The following RFTN1 variants were observed in gnomAD, a reference collection of about 807,000 sequenced individuals.
RFTN1 encodes the protein raftlin, lipid raft linker 1.
RFTN1 carries 26 observed loss-of-function variants against 46.5 expected under a neutral mutation model. The observed-to-expected ratio is 0.56, with a 90% CI of 0.41 to 0.78. The LOEUF (loss-of-function observed/expected upper bound fraction) is 0.78. Ranked by LOEUF, RFTN1 falls within the 30% of genes least tolerant of loss-of-function variation. RFTN1 has a pLI of 0.00. For synonymous variants in RFTN1, 261 were observed against 284.2 expected, an observed-to-expected ratio of 0.92 and a Z score of 0.82; for missense variants, 693 against 718.7, an observed-to-expected ratio of 0.96 and a Z score of 0.41.
chr3:16,371,571 G>A (rs911152567), intron 5 of RFTN1, among the ~76,000 whole-genome samples: 5 of 152,130 alleles, frequency 3.3e-5, no homozygotes, highest in Admixed American at 6.5e-5. Flanking sequence ...TCACAGCCCC[G>A]CCTGAGCGAA....
rs188941699 is a variant in RFTN1 at position 16,420,044 on chromosome 3, T to C, written c.333-10561A>G. ...CCTGCTATTTATTCTAGAGAAATCA[T>C]CCTGTCTTGCTGCTTACTGTCAGGG... On this transcript the variant is annotated intron_variant, in intron 3 of 9. Coordinates refer to ENST00000334133, the MANE Select transcript of RFTN1 (RefSeq NM_015150.2). 1.0e-3 allele frequency among the ~76,000 whole-genome samples: 158 copies of C among 152,330 alleles called. 2 individuals are homozygous for C. Among genetic ancestry groups the C allele is most frequent in the Admixed American group, 9.6e-3 (147 of 15,298 alleles).
chr3:16,488,224 C>T lies in RFTN1; in HGVS notation c.145+5501G>A, dbSNP rs531268091. Among the ~76,000 whole-genome samples, 7 of 152,112 alleles carry T rather than the reference C, an allele frequency of 4.6e-5. No homozygotes were observed. In the East Asian group the frequency reaches 1.2e-3, roughly 25 times the overall value. On this transcript the variant is annotated intron_variant, in intron 2 of 9. Transcript: ENST00000334133. ...TTCAAGCAATTCTGCCTCAGCGTCCCGAGTAGCTGGGATTATAGGCATGTG... is the reference window on the plus strand; with the variant it reads ...TTCAAGCAATTCTGCCTCAGCGTCCTGAGTAGCTGGGATTATAGGCATGTG...
Position 16,479,896 on chromosome 3 carries a change from T to C in RFTN1, c.145+13829A>G, listed in dbSNP as rs2076337331. On this transcript the variant is annotated intron_variant, in intron 2 of 9. Coordinates refer to ENST00000334133, the MANE Select transcript of RFTN1 (RefSeq NM_015150.2). This position sits in a 1 kb window ranked among gnomAD's most constrained non-coding sequence, Gnocchi z 5.1. ...GCAAATAATGGTAAATCATGGCAGA[T>C]GCTTCTCCAAGATAACACACAGACT... Among the ~76,000 whole-genome samples the C allele has an allele frequency of 6.6e-6, 1 of 152,208 alleles. No homozygotes were observed. The highest frequency in any genetic ancestry group is 1.5e-5 in the Non-Finnish European group (1 of 68,050).
At position 16,353,594 on chromosome 3, in the gene RFTN1, C is replaced by T. The variant is rs908419669; in HGVS notation, c.1146+4338G>A. On this transcript the variant is annotated intron_variant, in intron 7 of 9. Coordinates refer to ENST00000334133, the MANE Select transcript of RFTN1 (RefSeq NM_015150.2). The surrounding 1 kb of genome is among the most constrained non-coding windows in gnomAD (Gnocchi z 5.4). ...AAAGACTAAATGTTTTCTATCCTCCCACAATGCGTATGTTGAGGCTCCAAG... is the reference window on the plus strand; with the variant it reads ...AAAGACTAAATGTTTTCTATCCTCCTACAATGCGTATGTTGAGGCTCCAAG... Among the ~76,000 whole-genome samples the T allele has an allele frequency of 2.0e-5, 3 of 152,202 alleles. No individual in the cohort carries two copies. The highest frequency in any genetic ancestry group is 4.4e-5 in the Non-Finnish European group (3 of 68,036).
At chr3:16,365,879 A>C (rs796421487) in intron 6 of RFTN1, among the ~76,000 whole-genome samples, 1 of 118,438 alleles carries the variant, frequency 8.4e-6, no homozygotes, top group African/African-American at 3.2e-5. Flanking sequence ...TCAGGGAAAG[A>C]AAAAAGGGCT....
chr3:16,467,445 C>T (rs1186534942), intron 2 of RFTN1, among the ~76,000 whole-genome samples: 2 of 152,190 alleles, frequency 1.3e-5, no homozygotes, highest in Non-Finnish European at 2.9e-5. Context: ...CAGGACATGG[C>T]CCCGGCTGCC....
At chr3:16,363,950 C>T (rs913242585) in intron 6 of RFTN1, among the ~76,000 whole-genome samples, 11 of 152,208 alleles carry the variant, frequency 7.2e-5, no homozygotes, top group African/African-American at 1.2e-4. Context: ...ATGTAATCAC[C>T]GCTCAACCAA....
Position 16,321,612 on chromosome 3 carries a change from C to T in RFTN1, c.1332+1764G>A, listed in dbSNP as rs1453090296. Among the ~76,000 whole-genome samples the T allele has an allele frequency of 6.6e-6, 1 of 152,194 alleles. No individual in the cohort carries two copies. Among genetic ancestry groups the T allele is most frequent in the Non-Finnish European group, 1.5e-5 (1 of 68,022 alleles). ...GCCCCCCTCTCTGGAGGACTCCCATCTGTGAGGTGACCCAGAGGGTCTTGT... is the reference window on the plus strand; with the variant it reads ...GCCCCCCTCTCTGGAGGACTCCCATTTGTGAGGTGACCCAGAGGGTCTTGT... On this transcript the variant is annotated intron_variant, in intron 9 of 9. Transcript: ENST00000334133. This position sits in a 1 kb window ranked among gnomAD's most constrained non-coding sequence, Gnocchi z 4.8.
At chr3:16,467,965 T>C (rs1460000130) in intron 2 of RFTN1, among the ~76,000 whole-genome samples, 2 of 152,202 alleles carry the variant, frequency 1.3e-5, no homozygotes, top group Non-Finnish European at 2.9e-5. Context: ...AGGCTCGCTC[T>C]TACTACTACC....
chr3:16,488,509 G>A (rs186231326), intron 2 of RFTN1, among the ~76,000 whole-genome samples: 125 of 152,232 alleles, frequency 8.2e-4, no homozygotes, highest in Non-Finnish European at 1.4e-3. Flanking sequence ...AATAAGCATC[G>A]TCTCCATGAA....
intron 7 of RFTN1, among the ~76,000 whole-genome samples, chr3:16,333,118 C>G (rs1027919697): frequency 6.6e-6 from 1 of 152,214 alleles, no homozygotes; most frequent in Admixed American, 6.5e-5. Context: ...TAAAGCACAT[C>G]ATAGCATTCC....
intron 2 of RFTN1, chr3:16,434,561 G>A: frequency 6.6e-6 from 1 of 152,060 alleles, no homozygotes; most frequent in Non-Finnish European, 1.5e-5. Flanking sequence ...TCTCAAAAAT[G>A]AAATAAAATA....
intron 2 of RFTN1, among the ~76,000 whole-genome samples, chr3:16,435,159 A>G (rs2125498815): frequency 6.6e-6 from 1 of 152,360 alleles, no homozygotes; most frequent in East Asian, 1.9e-4. Flanking sequence ...ATATGCATTA[A>G]CAATCAAAGA....
rs1207591443 is a variant in RFTN1 at position 16,334,148 on chromosome 3, GA to G, written c.1147-7273del. Among the ~76,000 whole-genome samples the G allele has an allele frequency of 6.6e-6, 1 of 152,202 alleles. No individual in the cohort carries two copies. The highest frequency in any genetic ancestry group is 1.5e-5 in the Non-Finnish European group (1 of 68,042). On this transcript the variant is annotated intron_variant, in intron 7 of 9. Coordinates refer to ENST00000334133, the MANE Select transcript of RFTN1 (RefSeq NM_015150.2). The surrounding 1 kb of genome is among the most constrained non-coding windows in gnomAD (Gnocchi z 4.3). ...CCACTGCACTCCAGCCTGGGCGACA[GA>G]GCAAGACTCTGTCTCAAAACAAAAA...
At position 16,336,739 on chromosome 3, in the gene RFTN1, C is replaced by G. The variant is rs760654947; in HGVS notation, c.1147-9863G>C. 5.9e-5 allele frequency among the ~76,000 whole-genome samples: 9 copies of G among 151,996 alleles called. No individual in the cohort carries two copies. Among genetic ancestry groups the G allele is most frequent in the Admixed American group, 1.3e-4 (2 of 15,270 alleles). Reference sequence around the variant, plus strand: ...GAAAATACATGTAGTGCATAAAAAGCTTCAGTTCTGAGACTCTTTACCCAC... The same window carrying G: ...GAAAATACATGTAGTGCATAAAAAGGTTCAGTTCTGAGACTCTTTACCCAC... On this transcript the variant is annotated intron_variant, in intron 7 of 9. Transcript: ENST00000334133. The surrounding 1 kb of genome is among the most constrained non-coding windows in gnomAD (Gnocchi z 6.0).
intron 6 of RFTN1, among the ~76,000 whole-genome samples, chr3:16,366,906 G>T (rs796240566): frequency 7.0e-6 from 1 of 142,946 alleles, no homozygotes; most frequent in African/African-American, 2.6e-5. Flanking sequence ...GTCATTCTAA[G>T]GTTTAATGAA....
rs1490419554 is a variant in RFTN1, at chr3:16,327,921, C to T, written c.1147-1045G>A. ...TCCTCACTAACACTCAAAGTGTAGCCCCCACCCCTGCTCTGTGTGTAACTG... is the reference window on the plus strand; with the variant it reads ...TCCTCACTAACACTCAAAGTGTAGCTCCCACCCCTGCTCTGTGTGTAACTG... On this transcript the variant is annotated intron_variant, in intron 7 of 9. Transcript: ENST00000334133. The surrounding 1 kb of genome is among the most constrained non-coding windows in gnomAD (Gnocchi z 4.2). 7.1e-6 allele frequency among the ~76,000 whole-genome samples: 1 copy of T among 141,732 alleles called. No homozygotes were observed. Among genetic ancestry groups the T allele is most frequent in the Non-Finnish European group, 1.6e-5 (1 of 61,530 alleles). The allele number at this position is 141,732 out of a possible 152,430, so 93.0% of individuals were successfully genotyped here.
Position 16,317,041 on chromosome 3 carries a change from C to T in RFTN1, c.1524G>A (p.Met508Ile), listed in dbSNP as rs775174618. 6.8e-6 allele frequency: 11 copies of T among 1,613,902 alleles called. No individual in the cohort carries two copies. The highest frequency in any genetic ancestry group is 3.3e-5 in the South Asian group (3 of 91,060). The change falls in exon 10 of 10, where the codon ATG becomes ATA. Residue 508 changes from methionine (M) to isoleucine (I), a missense_variant. Transcript: ENST00000334133. The surrounding 1 kb of genome is among the most constrained non-coding windows in gnomAD (Gnocchi z 4.3). Reference sequence around the variant, plus strand: ...CCTTGTCCTCTTGGACAGGGCCCTTCATCTCCTCGGAGACTCCACCCTCCT... The same window carrying T: ...CCTTGTCCTCTTGGACAGGGCCCTTTATCTCCTCGGAGACTCCACCCTCCT... ...QQQEGGVSEE[M>I]KGPVQEDKGE...
Position 16,459,671 on chromosome 3 carries a change from T to G in RFTN1, c.146-25634A>C, listed in dbSNP as rs1231635796. Among the ~76,000 whole-genome samples the G allele has an allele frequency of 6.6e-6, 1 of 152,172 alleles. No homozygotes were observed. Among genetic ancestry groups the G allele is most frequent in the Non-Finnish European group, 1.5e-5 (1 of 68,034 alleles). On this transcript the variant is annotated intron_variant, in intron 2 of 9. Coordinates refer to ENST00000334133, the MANE Select transcript of RFTN1 (RefSeq NM_015150.2). This position sits in a 1 kb window ranked among gnomAD's most constrained non-coding sequence, Gnocchi z 4.2. Reference sequence around the variant, plus strand: ...CTCTACATTCAAAATTTTCTTAAAATTTTTCTTAAAAATTCTAGTCCATGT... The same window carrying G: ...CTCTACATTCAAAATTTTCTTAAAAGTTTTCTTAAAAATTCTAGTCCATGT...
Sources: gnomAD v4.1 joint callset for allele counts (sites outside exome capture counted in the v4.1 genomes callset) on GRCh38, gnomAD v4.1.1 for gene constraint, Gnocchi (gnomAD v3.1) non-coding constraint, MANE v1.5 for transcripts, NCBI Gene and HGNC (gene_info 2026-07-23, HGNC 2026-07-21) for gene names.